The following TAF15 variants were observed in gnomAD, a reference collection of about 807,000 sequenced individuals.
TAF15 encodes the protein TATA-box binding protein associated factor 15.
In TAF15, 37 loss-of-function variants were observed where a neutral mutation model predicts 102.5. The ratio of observed to expected loss-of-function variants is 0.36; its 90% CI spans 0.28 to 0.47. TAF15 has a LOEUF of 0.47. Ranked by LOEUF, TAF15 falls within the 20% of genes least tolerant of loss-of-function variation. TAF15 has a pLI of 0.99. For synonymous variants in TAF15, 273 were observed against 259.2 expected (o/e 1.05, Z -0.51); for missense variants, 652 against 760.7 (o/e 0.86, Z 1.68).
At chr17:35,830,165 A>G (rs1419481579) in intron 7 of TAF15, 2 of 152,024 alleles carry the variant, frequency 1.3e-5, no homozygotes, top group African/African-American at 4.8e-5. Context: ...AAAGTATGCA[A>G]CTAGCTGGGG....
At chr17:35,815,733 T>G (rs1447198096) in intron 1 of TAF15, among the ~76,000 whole-genome samples, 2 of 152,220 alleles carry the variant, frequency 1.3e-5, no homozygotes, top group Admixed American at 1.3e-4. Flanking sequence ...TTTTCATCCT[T>G]TGATTTGGGA....
At chr17:35,833,272 G>A (rs1309391677) in intron 7 of TAF15, among the ~76,000 whole-genome samples, 1 of 152,202 alleles carries the variant, frequency 6.6e-6, no homozygotes, top group Non-Finnish European at 1.5e-5. Context: ...GATGTGAAGA[G>A]ATGTAGTATA....
At chr17:35,827,706 A>G (rs1050845393) in intron 7 of TAF15, among the ~76,000 whole-genome samples, 3 of 141,434 alleles carry the variant, frequency 2.1e-5, no homozygotes. Context: ...ACTCCATCGC[A>G]AAAAAAAAAA....
At position 35,833,303 on chromosome 17, in the gene TAF15, C is replaced by T. The variant is rs1031430203; in HGVS notation, c.606-604C>T. 2.6e-5 allele frequency among the ~76,000 whole-genome samples: 4 copies of T among 152,234 alleles called. No individual in the cohort carries two copies. The South Asian group carries it at 6.2e-4, about 24-fold the overall frequency. On this transcript the variant is annotated intron_variant, in intron 7 of 15. Coordinates refer to ENST00000605844, the MANE Select transcript of TAF15 (RefSeq NM_139215.3). ...GTATAGTGGGTATAGAGTAGGAGGG[C>T]GGTTTTTAAGTGATGCTCTTTTAGT...
chr17:35,834,445 G>C, intron 8 of TAF15, 121 bp from the exon 9 acceptor site: 1 of 835,090 alleles, frequency 1.2e-6, no homozygotes, highest in Non-Finnish European at 2.0e-6. Flanking sequence ...ATCTGTGATG[G>C]TTGACTTTCA....
Position 35,846,152 on chromosome 17 carries a change from A to G in TAF15, c.1740-754A>G, listed in dbSNP as rs138176822. Among the ~76,000 whole-genome samples, 20 of 152,354 alleles carry G rather than the reference A, an allele frequency of 1.3e-4. No homozygotes were observed. The East Asian group carries it at 2.7e-3, about 21-fold the overall frequency. On this transcript the variant is annotated intron_variant, in intron 15 of 15. Transcript: ENST00000605844. ...ATAAGGCAGTGAGAATTAGTATAGA[A>G]TATGGTTAAGAGCATAAAGTTGGGA...
chr17:35,824,408 T>G, intron 7 of TAF15: 1 of 621,798 alleles, frequency 1.6e-6, no homozygotes, highest in Non-Finnish European at 2.7e-6. Flanking sequence ...ATGTTAGTAG[T>G]TAGTTTATGT....
chr17:35,829,827 C>A (rs1263115808), intron 7 of TAF15, among the ~76,000 whole-genome samples: 1 of 151,894 alleles, frequency 6.6e-6, no homozygotes, highest in Non-Finnish European at 1.5e-5. Context: ...CTTGGGGGAA[C>A]TGTCTGTGTT....
intron 1 of TAF15, among the ~76,000 whole-genome samples, chr17:35,813,326 G>A (rs2087149396): frequency 6.6e-6 from 1 of 151,928 alleles, no homozygotes; most frequent in African/African-American, 2.4e-5. Context: ...ATTCAATTCA[G>A]GGGGATAAGA....
Position 35,830,143 on chromosome 17 carries a change from GA to G in TAF15, c.606-3750del, listed in dbSNP as rs757913008. ...CAACAAGAGTGAAACTCTTGTCTCA[GA>G]AAAAAAAAAAAAAGTATGCAACTAG... On this transcript the variant is annotated intron_variant, in intron 7 of 15. Coordinates refer to ENST00000605844, the MANE Select transcript of TAF15 (RefSeq NM_139215.3). 681 of 137,956 alleles carry G rather than the reference GA, an allele frequency of 4.9e-3. 2 individuals are homozygous for G. The highest frequency in any genetic ancestry group is 0.011 in the African/African-American group (429 of 37,628). 8.5% of individuals were successfully genotyped at this position (137,956 alleles called of 1,614,324 possible). A position where few individuals can be genotyped will look rare whatever the true frequency, so the allele number is the denominator to read the frequency against.
At chr17:35,838,618 A>G in intron 11 of TAF15, 65 bp downstream of exon 11, 7 of 1,609,858 alleles carry the variant, frequency 4.3e-6, no homozygotes, top group East Asian at 2.2e-5. Context: ...TGAAAGTGAG[A>G]ATATGCTCTG....
chr17:35,809,598 C>T (rs749685779), intron 1 of TAF15, 22 bp downstream of exon 1: 5 of 1,613,204 alleles, frequency 3.1e-6, no homozygotes, highest in Non-Finnish European at 4.2e-6. Flanking sequence ...CTTCAGCGAG[C>T]AGCGGCAGCG....
rs907833904 is a variant in TAF15, at chr17:35,844,863, T to C, written c.1564T>C (p.Tyr522His). Residue 522 changes from tyrosine to histidine, a missense_variant, in exon 15 of 16, where the codon TAT (tyrosine) becomes CAT (histidine). Physicochemically the swap from Tyr to His is moderately conservative, Grantham distance 83. Transcript: ENST00000605844. ...RGGYGGDRGGYGGDRSRGGYG... is the reference protein window; with the variant it reads ...RGGYGGDRGGHGGDRSRGGYG... ...AGGTTATGGAGGAGATCGAGGAGGCTATGGAGGAGACAGAAGCCGGGGGGG... is the reference window on the plus strand; with the variant it reads ...AGGTTATGGAGGAGATCGAGGAGGCCATGGAGGAGACAGAAGCCGGGGGGG... 44 of 1,605,338 alleles carry C rather than the reference T, an allele frequency of 2.7e-5. No individual in the cohort carries two copies. Among genetic ancestry groups the C allele is most frequent in the African/African-American group, 4.2e-5 (3 of 71,602 alleles).
At chr17:35,820,134 A>T in intron 3 of TAF15, 30 bp from the exon 4 acceptor site, 1 of 1,613,536 alleles carries the variant, frequency 6.2e-7, no homozygotes, top group Non-Finnish European at 8.5e-7. Flanking sequence ...TAAGTAGGTG[A>T]TGAAACTTGA....
At chr17:35,809,620 C>T (rs773398059) in intron 1 of TAF15, 44 bp downstream of exon 1, 5 of 1,612,846 alleles carry the variant, frequency 3.1e-6, no homozygotes, top group Middle Eastern at 1.8e-4. Flanking sequence ...CGAGAAGGTC[C>T]TGGCGGGGTT....
chr17:35,836,427 G>C (rs529534690), intron 10 of TAF15, among the ~76,000 whole-genome samples, 186 bp downstream of exon 10: 29 of 152,234 alleles, frequency 1.9e-4, no homozygotes, highest in Non-Finnish European at 3.2e-4. Flanking sequence ...TTCCTTGCTT[G>C]TGTTTACCTT....
chr17:35,832,683 A>G (rs998931539), intron 7 of TAF15, among the ~76,000 whole-genome samples: 1 of 152,188 alleles, frequency 6.6e-6, no homozygotes, highest in Non-Finnish European at 1.5e-5. Context: ...GTATCAGAAA[A>G]CTTGAGTGTT....
intron 1 of TAF15, among the ~76,000 whole-genome samples, chr17:35,814,481 A>G (rs1428535622): frequency 6.6e-6 from 1 of 150,520 alleles, no homozygotes; most frequent in Non-Finnish European, 1.5e-5. Context: ...TTTTTTTTTT[A>G]AGTTATGTTA....
At chr17:35,845,347 TAGACTC>T (rs1228999785) in intron 15 of TAF15, among the ~76,000 whole-genome samples, 1 of 152,108 alleles carries the variant, frequency 6.6e-6, no homozygotes, top group East Asian at 1.9e-4. Flanking sequence ...CTCAAACTCT[TAGACTC>T]AGGCAACACT....
Sources: gnomAD v4.1 joint callset for allele counts (sites outside exome capture counted in the v4.1 genomes callset) on GRCh38, gnomAD v4.1.1 for gene constraint, MANE v1.5 for transcripts, NCBI Gene and HGNC (gene_info 2026-07-23, HGNC 2026-07-21) for gene names.